The following SLC7A2 variants were observed in gnomAD, a reference collection of about 807,000 sequenced individuals.
SLC7A2 encodes cationic amino acid transporter 2.
Under a neutral mutation model 58.9 loss-of-function variants are expected in SLC7A2, and 48 were observed. The observed-to-expected ratio is 0.82, with a 90% confidence interval of 0.65 to 1.04. SLC7A2 has a LOEUF of 1.04. Ranked by LOEUF, SLC7A2 falls within the 50% of genes least tolerant of loss-of-function variation. The pLI, the probability that SLC7A2 is intolerant of heterozygous loss-of-function variation, is 0.00. For synonymous variants in SLC7A2, 363 were observed against 314.5 expected, an observed-to-expected ratio of 1.15 and a Z score of -1.63; for missense variants, 1,029 against 818.8, an observed-to-expected ratio of 1.26 and a Z score of -3.13.
chr8:17,564,844 G>C (rs1803187709), intron 12 of SLC7A2, 106 bp from the exon 13 acceptor site: 9 of 975,282 alleles, frequency 9.2e-6, no homozygotes, highest in East Asian at 2.6e-5. Context: ...ACTACAGAAA[G>C]GAAAGAGACA....
Position 17,524,419 on chromosome 8 carries a change from TGTACACAC to T in SLC7A2, c.-22-18898_-22-18891del, listed in dbSNP as rs1242676915. Among the ~76,000 whole-genome samples the T allele has an allele frequency of 9.0e-4, 126 of 139,420 alleles. 1 individual carries two copies. Among genetic ancestry groups the T allele is most frequent in the South Asian group, 2.5e-3 (11 of 4,474 alleles). 91.5% of individuals were successfully genotyped at this position (139,420 alleles called of 152,430 possible). ...AGATATACATATATGTGTGTGTGTG[TGTACACAC>T]ACACACACACACACACACACACACA... On this transcript the variant is annotated intron_variant, in intron 2 of 12. Coordinates refer to ENST00000494857, the MANE Select transcript of SLC7A2 (RefSeq NM_001370338.1).
rs1056924547 is a variant in SLC7A2, at chr8:17,536,611, C to T, written c.-22-6707C>T. On this transcript the variant is annotated intron_variant, in intron 2 of 12. Transcript: ENST00000494857. ...ATTTTTTTCAAGGAGAGAGTATATA[C>T]GTCTGTGGGTAAAGGGCAGAACTAA... Among the ~76,000 whole-genome samples the T allele has an allele frequency of 3.3e-5, 5 of 152,022 alleles. No homozygotes were observed. The South Asian group carries it at 8.3e-4, about 25-fold the overall frequency.
chr8:17,561,017 C>G (rs183285645), intron 10 of SLC7A2, among the ~76,000 whole-genome samples: 1 of 152,310 alleles, frequency 6.6e-6, no homozygotes, highest in African/African-American at 2.4e-5. Flanking sequence ...GGTCCGTACT[C>G]TCACTGGCCT....
chr8:17,542,671 C>T (rs1022171213), intron 2 of SLC7A2, among the ~76,000 whole-genome samples: 2 of 135,710 alleles, frequency 1.5e-5, no homozygotes, highest in African/African-American at 5.0e-5. Flanking sequence ...GAAAAAGAAC[C>T]TGAGTTAAAT....
rs1334957113 is a variant in SLC7A2 at position 17,544,389 on chromosome 8, G to A, written c.377-62G>A. 8 of 1,443,888 alleles carry A rather than the reference G, an allele frequency of 5.5e-6. No individual in the cohort carries two copies. In the East Asian group the frequency reaches 1.1e-4, roughly 21 times the overall value. The allele number at this position is 1,443,888 out of a possible 1,614,324, so 89.4% of individuals were successfully genotyped here. A position where few individuals can be genotyped will look rare whatever the true frequency, so the allele number is the denominator to read the frequency against. The stretch of plus-strand genomic sequence containing the variant: ...CTCATGTTTATCCTATAATAGAGTA[G>A]CAAATGATGCTACTTTAATTTGCCC... On this transcript the variant is annotated intron_variant, in intron 3 of 12. Coordinates refer to ENST00000494857, the MANE Select transcript of SLC7A2 (RefSeq NM_001370338.1).
At chr8:17,498,896 G>C (rs1045353615) in intron 1 of SLC7A2, 1 of 152,302 alleles carries the variant, frequency 6.6e-6, no homozygotes, top group African/African-American at 2.4e-5. Context: ...AGACAGGGGA[G>C]CTGTGGCAGT....
intron 2 of SLC7A2, among the ~76,000 whole-genome samples, chr8:17,516,817 G>A (rs1202713529): frequency 6.6e-6 from 1 of 152,200 alleles, no homozygotes; most frequent in Non-Finnish European, 1.5e-5. Flanking sequence ...TGGATGCCAA[G>A]TATCCATTGA....
chr8:17,533,171 G>T lies in SLC7A2; in HGVS notation c.-22-10147G>T, dbSNP rs553575030. On this transcript the variant is annotated intron_variant, in intron 2 of 12. Transcript: ENST00000494857. ...TTTTATTCAGATTTATCTGAAGCCA[G>T]TATGAACTTGCAAACTTCTCTGAGC... is the stretch of plus-strand genomic sequence containing the variant. Among the ~76,000 whole-genome samples the T allele has an allele frequency of 3.6e-3, 541 of 152,242 alleles. 1 individual carries two copies. The highest frequency in any genetic ancestry group is 5.8e-3 in the Non-Finnish European group (392 of 68,022).
intron 2 of SLC7A2, among the ~76,000 whole-genome samples, chr8:17,507,817 T>C (rs1206328258): frequency 6.6e-6 from 1 of 152,150 alleles, no homozygotes; most frequent in African/African-American, 2.4e-5. Flanking sequence ...GCTGATGAAG[T>C]GCATTTAGAA....
At chr8:17,542,789 T>A (rs1277331038) in intron 2 of SLC7A2, among the ~76,000 whole-genome samples, 1 of 152,122 alleles carries the variant, frequency 6.6e-6, no homozygotes, top group Non-Finnish European at 1.5e-5. Flanking sequence ...TCTATCAACA[T>A]ATCCTTAGGA....
intron 4 of SLC7A2, among the ~76,000 whole-genome samples, chr8:17,547,281 G>A (rs1802217884): frequency 6.6e-6 from 1 of 151,996 alleles, no homozygotes; most frequent in Admixed American, 6.6e-5. Flanking sequence ...CATGTGCAGG[G>A]GAACTGCCCT....
Position 17,554,603 on chromosome 8 carries a change from A to C in SLC7A2, c.1099A>C (p.Met367Leu). 1 of 1,613,298 alleles carries C rather than the reference A, an allele frequency of 6.2e-7. No individual in the cohort carries two copies. The change falls in exon 8 of 13, where the codon ATG (methionine) becomes CTG (leucine). Residue 367 changes from methionine (M) to leucine (L), a missense_variant. By Grantham distance (15) the Met-to-Leu change is conservative. Coordinates refer to ENST00000494857, the MANE Select transcript of SLC7A2 (RefSeq NM_001370338.1). ...CCCAATGCCTCGTGTAATCTATGCTATGGCGGAGGATGGGTTGCTTTTCAA... is the reference window on the plus strand; with the variant it reads ...CCCAATGCCTCGTGTAATCTATGCTCTGGCGGAGGATGGGTTGCTTTTCAA... ...IFPMPRVIYAMAEDGLLFKCL... is the reference protein window; with the variant it reads ...IFPMPRVIYALAEDGLLFKCL...
intron 12 of SLC7A2, 82 bp from the exon 13 acceptor site, chr8:17,564,868 T>A (rs1381890271): frequency 4.3e-6 from 5 of 1,160,350 alleles, no homozygotes; most frequent in Non-Finnish European, 6.0e-6. Context: ...TCTATTAAGT[T>A]CTACATTTTC....
chr8:17,499,415 TC>T (rs543875494), intron 1 of SLC7A2, among the ~76,000 whole-genome samples: 1 of 149,966 alleles, frequency 6.7e-6, no homozygotes, highest in African/African-American at 2.5e-5. Flanking sequence ...CCATTCTCTC[TC>T]CCCCCTTCTC....
chr8:17,563,798 G>A (rs1387124256), intron 12 of SLC7A2, 87 bp downstream of exon 12: 1 of 798,566 alleles, frequency 1.3e-6, no homozygotes, highest in Non-Finnish European at 2.1e-6. Context: ...GGGAATAAAG[G>A]CTTTTTTTTC....
Position 17,543,307 on chromosome 8 carries a change from C to A in SLC7A2, c.-22-11C>A. ...TCCAGATCAGCTTCTAACCTCCTCC[C>A]TTCTGCTCAGGTCGCCTTCGTCAGA... On this transcript the variant is annotated splice_polypyrimidine_tract_variant and intron_variant, in intron 2 of 12. Coordinates refer to ENST00000494857, the MANE Select transcript of SLC7A2 (RefSeq NM_001370338.1). 1 of 1,589,056 alleles carries A rather than the reference C, an allele frequency of 6.3e-7. No homozygotes were observed. The highest frequency in any genetic ancestry group is 1.3e-5 in the African/African-American group (1 of 74,360).
chr8:17,506,795 G>C (rs1452073843), intron 2 of SLC7A2, among the ~76,000 whole-genome samples: 3 of 150,508 alleles, frequency 2.0e-5, no homozygotes, highest in Admixed American at 1.3e-4. Context: ...TTTGTTGCCT[G>C]TCTGGAGTGC....
upstream of SLC7A2, among the ~76,000 whole-genome samples, chr8:17,494,492 T>C (rs1357208380): frequency 1.3e-5 from 2 of 152,002 alleles, no homozygotes; most frequent in Non-Finnish European, 2.9e-5. Context: ...GAGCGTGAAA[T>C]AGAAGGTGGG....
At chr8:17,546,847 T>C (rs961605081) in intron 4 of SLC7A2, among the ~76,000 whole-genome samples, 5 of 152,268 alleles carry the variant, frequency 3.3e-5, no homozygotes, top group East Asian at 3.9e-4. Flanking sequence ...AAGATAAACT[T>C]TCTTAGGTCC....
Sources: allele counts gnomAD v4.1 joint callset (sites outside exome capture counted in the v4.1 genomes callset), GRCh38; gene constraint gnomAD v4.1.1; transcripts MANE v1.5; gene names NCBI Gene and HGNC (gene_info 2026-07-23, HGNC 2026-07-21).